Variants in UBE2E2 observed in about 807,000 individuals in gnomAD.
UBE2E2 encodes the protein ubiquitin conjugating enzyme E2 E2.
A neutral mutation model predicts 24.7 loss-of-function variants in UBE2E2; 6 were observed. That is an observed-to-expected ratio of 0.24 (90% CI 0.13 to 0.48). UBE2E2 has a LOEUF of 0.48. Ranked by LOEUF, UBE2E2 falls within the 20% of genes least tolerant of loss-of-function variation. The pLI is 0.99. For synonymous variants in UBE2E2, 104 were observed against 83.6 expected, an observed-to-expected ratio of 1.24 and a Z score of -1.33; for missense variants, 169 against 245.0, an observed-to-expected ratio of 0.69 and a Z score of 2.07.
intron 5 of UBE2E2, among the ~76,000 whole-genome samples, chr3:23,540,551 C>T (rs1021575921): frequency 7.9e-5 from 12 of 152,144 alleles, no homozygotes; most frequent in Middle Eastern, 3.4e-3. Flanking sequence ...ATTACAGGCG[C>T]GCACCACCAC....
At chr3:23,330,363 G>A (rs1695027194) in intron 3 of UBE2E2, among the ~76,000 whole-genome samples, 1 of 152,124 alleles carries the variant, frequency 6.6e-6, no homozygotes, top group African/African-American at 2.4e-5. Flanking sequence ...TTATTGTATG[G>A]AAGTAAACAT....
chr3:23,247,218 A>G (rs1361388053), intron 3 of UBE2E2, among the ~76,000 whole-genome samples: 1 of 152,096 alleles, frequency 6.6e-6, no homozygotes, highest in Non-Finnish European at 1.5e-5. Context: ...TTTTATTCCA[A>G]TTTATTAATT....
intron 3 of UBE2E2, among the ~76,000 whole-genome samples, chr3:23,450,100 C>T (rs1269246162): frequency 6.6e-6 from 1 of 152,210 alleles, no homozygotes; most frequent in Non-Finnish European, 1.5e-5. Context: ...TTAAACATTT[C>T]AGAAAATGAG....
chr3:23,393,571 GT>G (rs1697004182), intron 3 of UBE2E2, among the ~76,000 whole-genome samples: 1 of 152,194 alleles, frequency 6.6e-6, no homozygotes. Flanking sequence ...GCACAGTAAA[GT>G]TTGAGAACCA....
intron 3 of UBE2E2, among the ~76,000 whole-genome samples, chr3:23,265,055 G>T (rs1698009466): frequency 6.6e-6 from 1 of 152,184 alleles, no homozygotes; most frequent in South Asian, 2.1e-4. Context: ...AAACCTCTCT[G>T]TGTAGAAATG....
At chr3:23,518,712 T>G (rs1266346319) in intron 4 of UBE2E2, among the ~76,000 whole-genome samples, 2 of 152,240 alleles carry the variant, frequency 1.3e-5, no homozygotes, top group African/African-American at 2.4e-5. Context: ...CTGGCTGCTG[T>G]GTGCCTGCAG....
In UBE2E2 at chr3:23,466,267, T is replaced by G. The variant is rs558619145; in HGVS notation, c.228-33341T>G. Among the ~76,000 whole-genome samples the G allele has an allele frequency of 2.0e-5, 3 of 152,310 alleles. No homozygotes were observed. The East Asian group carries it at 5.8e-4, about 29-fold the overall frequency. ...AAAAGAAATGTCAAATGAAGAACCC[T>G]TCAGTTAGTACCTGAATAGGCAGGT... On this transcript the variant is annotated intron_variant, in intron 3 of 5. Coordinates refer to ENST00000396703, the MANE Select transcript of UBE2E2 (RefSeq NM_152653.4).
chr3:23,378,236 T>TAAAAAA (rs56808350), intron 3 of UBE2E2, among the ~76,000 whole-genome samples: 4 of 118,060 alleles, frequency 3.4e-5, no homozygotes, highest in Admixed American at 8.6e-5. Context: ...AAATAAGCAG[T>TAAAAAA]AAAAAAAAAA....
chr3:23,376,226 T>A (rs1318171340), intron 3 of UBE2E2, among the ~76,000 whole-genome samples: 1 of 152,222 alleles, frequency 6.6e-6, no homozygotes, highest in Admixed American at 6.5e-5. Context: ...CCTGTTAAAA[T>A]ACAAGATAGA....
chr3:23,324,242 A>G (rs1010521318), intron 3 of UBE2E2, among the ~76,000 whole-genome samples: 4 of 152,118 alleles, frequency 2.6e-5, no homozygotes, highest in African/African-American at 9.7e-5. Flanking sequence ...GTAATGTTGT[A>G]TTAGTTGAAT....
chr3:23,532,724 T>C (rs772442579), intron 5 of UBE2E2, 23 bp downstream of exon 5: 3 of 1,493,584 alleles, frequency 2.0e-6, no homozygotes, highest in Non-Finnish European at 2.7e-6. Flanking sequence ...AAATCTAGTA[T>C]GAATTGGAGC....
intron 3 of UBE2E2, among the ~76,000 whole-genome samples, chr3:23,254,402 G>T (rs1399140928): frequency 6.6e-6 from 1 of 152,168 alleles, no homozygotes; most frequent in Non-Finnish European, 1.5e-5. Context: ...GTGTGCGTAG[G>T]TATTTGTGGG....
chr3:23,399,897 G>A lies in UBE2E2; in HGVS notation c.228-99711G>A, dbSNP rs2125369793. ...TGATGTCAGACTCTTCCTCACTTTT[G>A]CTGAAGGGATTGCATCTTTATTTGG... On this transcript the variant is annotated intron_variant, in intron 3 of 5. Coordinates refer to ENST00000396703, the MANE Select transcript of UBE2E2 (RefSeq NM_152653.4). Among the ~76,000 whole-genome samples, 2 of 152,228 alleles carry A rather than the reference G, an allele frequency of 1.3e-5. 1 individual carries two copies. Among genetic ancestry groups the A allele is most frequent in the South Asian group, 4.1e-4 (2 of 4,824 alleles).
chr3:23,458,371 A>G (rs1008917206), intron 3 of UBE2E2, among the ~76,000 whole-genome samples: 88 of 123,726 alleles, frequency 7.1e-4, no homozygotes, highest in African/African-American at 3.2e-3. Flanking sequence ...AACATCAACA[A>G]TCACTGATCA....
At chr3:23,309,477 C>T (rs778929435) in intron 3 of UBE2E2, among the ~76,000 whole-genome samples, 2 of 152,122 alleles carry the variant, frequency 1.3e-5, no homozygotes, top group African/African-American at 2.4e-5. Context: ...TTATTTATTG[C>T]AGCATAACAA....
intron 5 of UBE2E2, among the ~76,000 whole-genome samples, chr3:23,585,247 C>T (rs1468169280): frequency 6.6e-6 from 1 of 151,714 alleles, no homozygotes; most frequent in East Asian, 1.9e-4. Context: ...TACTGTGTGC[C>T]TGTAGTCCCA....
chr3:23,436,299 A>G (rs1698182494), intron 3 of UBE2E2, among the ~76,000 whole-genome samples: 1 of 152,160 alleles, frequency 6.6e-6, no homozygotes, highest in Non-Finnish European at 1.5e-5. Context: ...GTGAACTTTC[A>G]TGACTCCAGT....
chr3:23,313,924 G>A (rs1694493918), intron 3 of UBE2E2, among the ~76,000 whole-genome samples: 1 of 151,852 alleles, frequency 6.6e-6, no homozygotes, highest in Non-Finnish European at 1.5e-5. Flanking sequence ...TGTATCTTTG[G>A]TATGTTTTTA....
chr3:23,535,618 C>CTTTTTT (rs67901258), intron 5 of UBE2E2, among the ~76,000 whole-genome samples: 63 of 85,994 alleles, frequency 7.3e-4, no homozygotes, highest in African/African-American at 8.9e-4. Flanking sequence ...ATAGAGCATT[C>CTTTTTT]TTTTTTTTTT....
Sources: allele counts gnomAD v4.1 joint callset (sites outside exome capture counted in the v4.1 genomes callset), GRCh38; gene constraint gnomAD v4.1.1; transcripts MANE v1.5; gene names NCBI Gene and HGNC (gene_info 2026-07-23, HGNC 2026-07-21).